Variants in JCAD observed in about 807,000 individuals in gnomAD.
JCAD encodes the protein junctional cadherin 5-associated protein.
JCAD carries 40 observed loss-of-function variants against 98.0 expected under a neutral mutation model. The observed-to-expected ratio is 0.41, with a 90% CI of 0.32 to 0.53. The LOEUF (loss-of-function observed/expected upper bound fraction) is 0.53. JCAD is among the 20% of genes least tolerant of loss of function. The pLI is 0.31. For synonymous variants in JCAD, 691 were observed against 682.3 expected (o/e 1.01, Z -0.20); for missense variants, 1,705 against 1,738.1 (o/e 0.98, Z 0.34).
chr10:30,089,311 G>A (rs536361713), intron 1 of JCAD, among the ~76,000 whole-genome samples: 38 of 152,294 alleles, frequency 2.5e-4, no homozygotes, highest in African/African-American at 8.7e-4. Flanking sequence ...GCACCACAGT[G>A]GTGTCAGCGA....
intron 2 of JCAD, among the ~76,000 whole-genome samples, chr10:30,039,781 G>C (rs138924483): frequency 5.5e-4 from 83 of 152,076 alleles, no homozygotes; most frequent in Non-Finnish European, 1.1e-3. Context: ...CTGGAGGGGC[G>C]GCGTGGGTTT....
chr10:30,019,306 G>A (rs954524110), intron 3 of JCAD, among the ~76,000 whole-genome samples: 1 of 147,906 alleles, frequency 6.8e-6, no homozygotes, highest in Admixed American at 6.8e-5. Context: ...GCTGTGAGCC[G>A]AGATGGCGCC....
At chr10:30,059,621 C>CCCGCCCCGCCCA (rs1486711938), upstream of JCAD, 4 of 151,810 alleles carry the variant, frequency 2.6e-5, no homozygotes, top group African/African-American at 4.9e-5. This position sits in a 1 kb window ranked among gnomAD's most constrained non-coding sequence, Gnocchi z 5.0. Flanking sequence ...ACCGCCCGGG[C>CCCGCCCCGCCCA]CCGCCCCGCC....
chr10:30,067,699 G>A (rs746916912), intron 2 of JCAD, among the ~76,000 whole-genome samples: 6 of 152,196 alleles, frequency 3.9e-5, no homozygotes, highest in Non-Finnish European at 7.3e-5. Flanking sequence ...GTCCTTCGAT[G>A]TACAAAAGGG....
chr10:30,090,782 T>G (rs569438330), intron 1 of JCAD, among the ~76,000 whole-genome samples: 1 of 152,292 alleles, frequency 6.6e-6, no homozygotes, highest in South Asian at 2.1e-4. Flanking sequence ...GATTGGTCGC[T>G]TCCAGCTCAT....
At chr10:30,054,820 C>T (rs2132652353) in intron 1 of JCAD, among the ~76,000 whole-genome samples, 2 of 151,918 alleles carry the variant, frequency 1.3e-5, no homozygotes, top group Middle Eastern at 3.4e-3. Context: ...CAGGCGCCCG[C>T]CACCTCGCCC....
intron 2 of JCAD, among the ~76,000 whole-genome samples, chr10:30,041,608 C>T (rs1016101409): frequency 2.0e-5 from 3 of 152,146 alleles, no homozygotes; most frequent in African/African-American, 7.2e-5. Flanking sequence ...CAGAGACTCT[C>T]CCTAGGTTGC....
rs147671852 is a variant in JCAD, at chr10:30,078,545, C to A, written n.129-8724G>T. 4.5e-3 allele frequency among the ~76,000 whole-genome samples: 679 copies of A among 152,230 alleles called. 6 individuals are homozygous for A. Among genetic ancestry groups the A allele is most frequent in the African/African-American group, 0.015 (643 of 41,516 alleles). On this transcript the variant is annotated intron_variant and non_coding_transcript_variant, in intron 1 of 2. Coordinates refer to the JCAD transcript ENST00000465712. ...GGCTGAATGGCTGGACAAAAGCGGC[C>A]ATTGTGGGGCTCACTGCTTTTGAGG...
rs781551986 is a variant in JCAD, at chr10:30,027,935, G to C, written c.2213C>G (p.Thr738Ser). ...SEAQTHTAFPTGDHKQRPSAR... is the reference protein window; with the variant it reads ...SEAQTHTAFPSGDHKQRPSAR... ...ACTTGGCCTCTGTTTGTGATCACCG[G>C]TAGGGAATGCTGTGTGCGTCTGAGC... Residue 738 changes from threonine (T) to serine (S), a missense_variant, in exon 3 of 4, where the codon ACC becomes AGC. Transcript: ENST00000375377. 6.2e-7 allele frequency: 1 copy of C among 1,614,240 alleles called. No individual in the cohort carries two copies. Among genetic ancestry groups the C allele is most frequent in the Non-Finnish European group, 8.5e-7 (1 of 1,180,040 alleles).
At chr10:30,106,930 G>A (rs1021075393) in intron 1 of JCAD, among the ~76,000 whole-genome samples, 1 of 152,196 alleles carries the variant, frequency 6.6e-6, no homozygotes, top group African/African-American at 2.4e-5. Flanking sequence ...GACCACGGCT[G>A]GGTGCAGGCA....
At chr10:30,106,285 A>G (rs998647665) in intron 1 of JCAD, among the ~76,000 whole-genome samples, 5 of 151,972 alleles carry the variant, frequency 3.3e-5, no homozygotes, top group African/African-American at 1.2e-4. Context: ...TAAAAAATTA[A>G]CTGGGCATGA....
rs752789702 is a variant in JCAD, at chr10:30,018,937, G to A, written c.4046-1020C>T. Among the ~76,000 whole-genome samples the A allele has an allele frequency of 3.3e-5, 5 of 152,328 alleles. No homozygotes were observed. In the East Asian group the frequency reaches 5.8e-4, roughly 18 times the overall value. On this transcript the variant is annotated intron_variant, in intron 3 of 3. Transcript: ENST00000375377. ...TATGTATCCAAAGGAAAGGACATCAGTATGGAAGAGATATCTGCACTGCAG... is the reference window on the plus strand; with the variant it reads ...TATGTATCCAAAGGAAAGGACATCAATATGGAAGAGATATCTGCACTGCAG...
chr10:30,102,061 C>T (rs534616043), intron 1 of JCAD, among the ~76,000 whole-genome samples: 87 of 152,280 alleles, frequency 5.7e-4, no homozygotes, highest in Admixed American at 1.2e-3. Flanking sequence ...ACTCATCTCC[C>T]ACCTAGTCAA....
At chr10:30,070,463 G>A (rs1837864764) in intron 1 of JCAD, among the ~76,000 whole-genome samples, 1 of 152,182 alleles carries the variant, frequency 6.6e-6, no homozygotes, top group Non-Finnish European at 1.5e-5. Flanking sequence ...AATGAATTGA[G>A]CACCATTTTC....
intron 3 of JCAD, among the ~76,000 whole-genome samples, chr10:30,024,433 C>T (rs183940437): frequency 3.3e-5 from 5 of 152,200 alleles, no homozygotes; most frequent in African/African-American, 1.2e-4. Context: ...AGGAATTATG[C>T]TGAAGGCTAC....
At chr10:30,093,608 C>G (rs1838319542) in intron 1 of JCAD, among the ~76,000 whole-genome samples, 1 of 152,178 alleles carries the variant, frequency 6.6e-6, no homozygotes, top group African/African-American at 2.4e-5. Flanking sequence ...CCAAATATGT[C>G]CTGAGCTCTA....
intron 2 of JCAD, among the ~76,000 whole-genome samples, chr10:30,038,599 T>C (rs945646838): frequency 2.7e-5 from 4 of 150,226 alleles, no homozygotes; most frequent in Non-Finnish European, 4.4e-5. Context: ...AGCGGGAGGA[T>C]TGCTTGAGCC....
chr10:30,096,072 C>T (rs944271191), intron 1 of JCAD, among the ~76,000 whole-genome samples: 1 of 152,156 alleles, frequency 6.6e-6, no homozygotes, highest in African/African-American at 2.4e-5. Context: ...AAGGTTCAGT[C>T]CACAGGATCC....
At chr10:30,023,099 G>A (rs1039823806) in intron 3 of JCAD, among the ~76,000 whole-genome samples, 9 of 151,936 alleles carry the variant, frequency 5.9e-5, no homozygotes, top group South Asian at 4.2e-4. Context: ...GTGCAATGGC[G>A]CGATCTCAGC....
Sources: allele counts gnomAD v4.1 joint callset (sites outside exome capture counted in the v4.1 genomes callset), GRCh38; gene constraint gnomAD v4.1.1; non-coding constraint Gnocchi (gnomAD v3.1); transcripts MANE v1.5; gene names NCBI Gene and HGNC (gene_info 2026-07-23, HGNC 2026-07-21).